PTPRN2: variants seen among roughly 807,000 people sequenced by gnomAD.
The protein encoded by PTPRN2 is protein tyrosine phosphatase receptor type N2.
A neutral mutation model predicts 118.8 loss-of-function variants in PTPRN2; 74 were observed. The ratio of observed to expected loss-of-function variants is 0.62; its 90% CI spans 0.52 to 0.76. The LOEUF is 0.76. Ranked by LOEUF, PTPRN2 falls within the 30% of genes least tolerant of loss-of-function variation. The pLI is 0.00. For synonymous variants in PTPRN2, 641 were observed against 608.0 expected (o/e 1.05, Z -0.80); for missense variants, 1,481 against 1,394.4 (o/e 1.06, Z -0.99).
At chr7:157,798,152 G>A (rs371971781) in intron 12 of PTPRN2, among the ~76,000 whole-genome samples, 63 of 152,314 alleles carry the variant, frequency 4.1e-4, no homozygotes, top group African/African-American at 1.3e-3. Context: ...CAAGCTGCTC[G>A]GGAGACTGAG....
intron 4 of PTPRN2, among the ~76,000 whole-genome samples, chr7:158,195,621 A>AT (rs928070077): frequency 8.4e-5 from 4 of 47,820 alleles, no homozygotes; most frequent in African/African-American, 1.4e-4. Context: ...GGTGTTTTTT[A>AT]TTTTTTTTTA....
chr7:157,656,932 C>T (rs1412317605), intron 13 of PTPRN2, among the ~76,000 whole-genome samples: 3 of 145,608 alleles, frequency 2.1e-5, no homozygotes, highest in Admixed American at 1.4e-4. Flanking sequence ...ACGCCACACA[C>T]ACACACCACA....
At chr7:158,280,990 CTCG>C (rs1290016590) in intron 3 of PTPRN2, among the ~76,000 whole-genome samples, 2 of 152,206 alleles carry the variant, frequency 1.3e-5, no homozygotes, top group African/African-American at 4.8e-5. Context: ...AAGCCATGTG[CTCG>C]TCATCACAGC....
In PTPRN2 at chr7:158,453,897, C is replaced by T. The variant is rs60788952; in HGVS notation, c.163+35838G>A. On this transcript the variant is annotated intron_variant, in intron 2 of 22. Transcript: ENST00000389418. Reference sequence around the variant, plus strand: ...GACAAGACACAATGCACACAATCACCGATGTCAGGATTGGGGACGGTTGCT... The same window carrying T: ...GACAAGACACAATGCACACAATCACTGATGTCAGGATTGGGGACGGTTGCT... Among the ~76,000 whole-genome samples, 87 of 79,974 alleles carry T rather than the reference C, an allele frequency of 1.1e-3. 1 individual carries two copies. In the East Asian group the frequency reaches 0.017, roughly 15 times the overall value. 52.5% of individuals were successfully genotyped at this position (79,974 alleles called of 152,430 possible). A position where few individuals can be genotyped will look rare whatever the true frequency, so the allele number is the denominator to read the frequency against.
At chr7:157,642,364 CGT>C (rs1488556232) in intron 14 of PTPRN2, among the ~76,000 whole-genome samples, 1 of 152,206 alleles carries the variant, frequency 6.6e-6, no homozygotes, top group African/African-American at 2.4e-5. Context: ...TTATTAAACT[CGT>C]GTTAGGTTTA....
intron 11 of PTPRN2, among the ~76,000 whole-genome samples, chr7:158,058,840 C>T (rs569108333): frequency 1.4e-4 from 17 of 122,558 alleles, no homozygotes; most frequent in Admixed American, 2.3e-4. Flanking sequence ...CATCTGCACA[C>T]GGTGAGACAT....
chr7:157,734,342 C>T lies in PTPRN2; in HGVS notation c.1789-51405G>A, dbSNP rs1800177192. 2.0e-5 allele frequency among the ~76,000 whole-genome samples: 3 copies of T among 150,590 alleles called. No homozygotes were observed. In the South Asian group the frequency reaches 6.5e-4, roughly 33 times the overall value. On this transcript the variant is annotated intron_variant, in intron 12 of 22. Transcript: ENST00000389418. ...ATGCACCCAGCGCAGTTACTCTTTTCCATTCCATGCACCCAGCACAGTCAT... is the reference window on the plus strand; with the variant it reads ...ATGCACCCAGCGCAGTTACTCTTTTTCATTCCATGCACCCAGCACAGTCAT...
At chr7:157,824,984 A>G (rs1383203812) in intron 12 of PTPRN2, among the ~76,000 whole-genome samples, 1 of 152,156 alleles carries the variant, frequency 6.6e-6, no homozygotes, top group Non-Finnish European at 1.5e-5. Flanking sequence ...GAGTCAGCCA[A>G]TGTGGCCCCA....
At chr7:157,650,994 G>T (rs188107551) in intron 14 of PTPRN2, among the ~76,000 whole-genome samples, 9 of 152,246 alleles carry the variant, frequency 5.9e-5, no homozygotes, top group African/African-American at 2.2e-4. Flanking sequence ...TTCAGAGGCC[G>T]TGAGCCGTGT....
chr7:157,683,898 C>A (rs1402301923), intron 12 of PTPRN2, among the ~76,000 whole-genome samples: 1 of 152,182 alleles, frequency 6.6e-6, no homozygotes, highest in East Asian at 1.9e-4. Context: ...TTGGTCCTGG[C>A]TGCTACAAGA....
chr7:158,430,639 G>A (rs904566456), intron 2 of PTPRN2, among the ~76,000 whole-genome samples: 5 of 152,376 alleles, frequency 3.3e-5, no homozygotes, highest in Admixed American at 2.0e-4. Flanking sequence ...GCATGGCTGC[G>A]GGACCAGTGA....
intron 2 of PTPRN2, among the ~76,000 whole-genome samples, chr7:158,365,160 C>G (rs144365754): frequency 2.0e-5 from 3 of 152,330 alleles, no homozygotes; most frequent in Admixed American, 6.5e-5. Context: ...TCCCATAACT[C>G]AGGACAAGGA....
chr7:158,441,751 A>G (rs111163567), intron 2 of PTPRN2, among the ~76,000 whole-genome samples: 1,037 of 67,934 alleles, frequency 0.015, 10 homozygotes, highest in Middle Eastern at 0.057. Flanking sequence ...TGGTGGTGAT[A>G]GTGATAGTGA....
In PTPRN2 at chr7:157,614,156, G is replaced by C. The variant is rs76592922; in HGVS notation, c.2344+7206C>G. 5.5e-3 allele frequency: 2,528 copies of C among 457,034 alleles called. 46 individuals are homozygous for C. Among genetic ancestry groups the C allele is most frequent in the African/African-American group, 0.046 (2,268 of 49,784 alleles). 28.3% of individuals were successfully genotyped at this position (457,034 alleles called of 1,614,324 possible). On this transcript the variant is annotated intron_variant, in intron 15 of 22. Coordinates refer to ENST00000389418, the MANE Select transcript of PTPRN2 (RefSeq NM_002847.5). ...GAGGGGGAAGACAGGGGAGGAAGGG[G>C]GAGGACAGGGGAGGGCCAGGGTGGA...
At chr7:157,885,926 A>G (rs962917920) in intron 12 of PTPRN2, among the ~76,000 whole-genome samples, 6 of 152,206 alleles carry the variant, frequency 3.9e-5, no homozygotes, top group African/African-American at 1.4e-4. Context: ...GAAGTGTGGA[A>G]CACACCCCGG....
intron 6 of PTPRN2, among the ~76,000 whole-genome samples, chr7:158,157,067 G>T (rs557368370): frequency 9.9e-5 from 15 of 152,100 alleles, no homozygotes; most frequent in African/African-American, 3.4e-4. Flanking sequence ...CAGCACCCCC[G>T]TTCCATGTAG....
At chr7:157,847,921 T>C (rs4716792) in intron 12 of PTPRN2, among the ~76,000 whole-genome samples, 21 of 145,940 alleles carry the variant, frequency 1.4e-4, no homozygotes, top group Admixed American at 4.1e-4. Flanking sequence ...TTACATCATG[T>C]GTGCCCGATG....
Position 157,587,234 on chromosome 7 carries a change from GCAGACAGCGAGA to G in PTPRN2, c.2496+7992_2496+8003del, listed in dbSNP as rs1360997629. 6.6e-6 allele frequency among the ~76,000 whole-genome samples: 1 copy of G among 151,124 alleles called. No homozygotes were observed. The highest frequency in any genetic ancestry group is 1.5e-5 in the Non-Finnish European group (1 of 67,898). On this transcript the variant is annotated intron_variant, in intron 17 of 22. Transcript: ENST00000389418. This position sits in a 1 kb window ranked among gnomAD's most constrained non-coding sequence, Gnocchi z 5.3. ...AGAGACAAGACACACAGGCAGACAG[GCAGACAGCGAGA>G]CAGGCAGACAGACAGGCAGACAAAC...
chr7:157,910,926 C>T (rs1284058308), intron 11 of PTPRN2, among the ~76,000 whole-genome samples: 1 of 152,238 alleles, frequency 6.6e-6, no homozygotes, highest in Non-Finnish European at 1.5e-5. Flanking sequence ...ATTAAAATAA[C>T]CCTGGAACAT....
Sources: gnomAD v4.1 joint callset for allele counts (sites outside exome capture counted in the v4.1 genomes callset) on GRCh38, gnomAD v4.1.1 for gene constraint, Gnocchi (gnomAD v3.1) non-coding constraint, MANE v1.5 for transcripts, NCBI Gene and HGNC (gene_info 2026-07-23, HGNC 2026-07-21) for gene names.